The following CNTN4 variants were observed in gnomAD, a reference collection of about 807,000 sequenced individuals.
CNTN4 encodes the protein contactin 4.
Under a neutral mutation model 122.5 loss-of-function variants are expected in CNTN4, and 77 were observed. That is an observed-to-expected ratio of 0.63 (90% CI 0.52 to 0.76). The LOEUF is 0.76. CNTN4 is among the 30% of genes least tolerant of loss of function. The probability of loss-of-function intolerance (pLI) is 0.00; values close to 1 mark genes in which losing one functional copy is unlikely to be tolerated. For missense variants in CNTN4, 1,256 were observed against 1,259.1 expected (o/e 1.00, Z 0.04); for synonymous variants, 512 against 447.0 (o/e 1.15, Z -1.83).
At chr3:2,945,988 G>A (rs1335970635) in intron 13 of CNTN4, among the ~76,000 whole-genome samples, 2 of 152,198 alleles carry the variant, frequency 1.3e-5, no homozygotes, top group Non-Finnish European at 2.9e-5. Flanking sequence ...GGTAAGAGTA[G>A]GGTCCAGAGA....
chr3:2,176,855 G>T (rs531885122), intron 2 of CNTN4, among the ~76,000 whole-genome samples: 3 of 152,246 alleles, frequency 2.0e-5, no homozygotes, highest in East Asian at 3.9e-4. Context: ...TCAATATCAA[G>T]AAATTGGAAC....
intron 3 of CNTN4, among the ~76,000 whole-genome samples, chr3:2,523,468 A>C (rs1355446302): frequency 6.6e-6 from 1 of 151,994 alleles, no homozygotes; most frequent in Non-Finnish European, 1.5e-5. Flanking sequence ...AGGTACATTC[A>C]ATGCTGTAAC....
In CNTN4 at chr3:2,820,961, C is replaced by CTTTTTTTTTTTTTTTTTTT. The variant is rs67731967; in HGVS notation, c.454+1398_454+1399insTTTTTTTTTTTTTTTTTTT. ...TTCTCACATGCAACATTTTCTCTTT[C>CTTTTTTTTTTTTTTTTTTT]TTTTTTTTTTTTTTTTTTGAGACAG... On this transcript the variant is annotated intron_variant, in intron 7 of 24. Transcript: ENST00000418658. Among the ~76,000 whole-genome samples the CTTTTTTTTTTTTTTTTTTT allele has an allele frequency of 7.3e-4, 79 of 107,554 alleles. 3 individuals are homozygous for CTTTTTTTTTTTTTTTTTTT. Among genetic ancestry groups the CTTTTTTTTTTTTTTTTTTT allele is most frequent in the African/African-American group, 2.5e-3 (67 of 26,476 alleles). The allele number at this position is 107,554 out of a possible 152,430, so 70.6% of individuals were successfully genotyped here. A position where few individuals can be genotyped will look rare whatever the true frequency, so the allele number is the denominator to read the frequency against.
At chr3:2,247,924 T>C (rs1271325579) in intron 2 of CNTN4, among the ~76,000 whole-genome samples, 2 of 151,984 alleles carry the variant, frequency 1.3e-5, no homozygotes, top group Non-Finnish European at 2.9e-5. Context: ...CCTTGAATTG[T>C]TTTTCCCCTC....
Position 2,717,231 on chromosome 3 carries a change from A to G in CNTN4, c.56-18984A>G, listed in dbSNP as rs1419585576. On this transcript the variant is annotated intron_variant, in intron 4 of 24. Coordinates refer to ENST00000418658, the MANE Select transcript of CNTN4 (RefSeq NM_175607.3). ...AAACCTGGATTTCAGTAGGGTGCCCACTACCCTAACTGGTAAGAGTGGCTC... is the reference window on the plus strand; with the variant it reads ...AAACCTGGATTTCAGTAGGGTGCCCGCTACCCTAACTGGTAAGAGTGGCTC... 2.0e-5 allele frequency among the ~76,000 whole-genome samples: 3 copies of G among 152,232 alleles called. No individual in the cohort carries two copies. In the East Asian group the frequency reaches 5.8e-4, roughly 29 times the overall value.
chr3:2,206,061 TA>T, intron 2 of CNTN4, among the ~76,000 whole-genome samples: 1 of 152,264 alleles, frequency 6.6e-6, no homozygotes, highest in Admixed American at 6.6e-5. Flanking sequence ...GTTTCACCTT[TA>T]TTTGTTTTAT....
intron 2 of CNTN4, among the ~76,000 whole-genome samples, chr3:2,239,919 C>A (rs1488579720): frequency 6.6e-6 from 1 of 152,190 alleles, no homozygotes; most frequent in Non-Finnish European, 1.5e-5. Flanking sequence ...TAAAATCATT[C>A]ATTTAGAAAG....
intron 2 of CNTN4, among the ~76,000 whole-genome samples, chr3:2,334,602 T>C (rs1282700927): frequency 1.3e-5 from 2 of 152,166 alleles, no homozygotes; most frequent in Admixed American, 1.3e-4. Flanking sequence ...AATATGACTT[T>C]AGAACCTATA....
chr3:2,412,165 T>C (rs1360888799), intron 3 of CNTN4, among the ~76,000 whole-genome samples: 1 of 152,242 alleles, frequency 6.6e-6, no homozygotes, highest in African/African-American at 2.4e-5. Context: ...GTTCTTTTCA[T>C]TGCTGTATAT....
intron 12 of CNTN4, among the ~76,000 whole-genome samples, chr3:2,905,987 G>A (rs1367576916): frequency 1.3e-5 from 2 of 152,230 alleles, no homozygotes; most frequent in Non-Finnish European, 2.9e-5. Flanking sequence ...TGTGAACACA[G>A]TAGAATACTA....
intron 4 of CNTN4, among the ~76,000 whole-genome samples, chr3:2,585,829 A>G (rs747639113): frequency 6.6e-6 from 1 of 151,550 alleles, no homozygotes; most frequent in East Asian, 1.9e-4. Flanking sequence ...CCTAAAACTT[A>G]AAGTATAATA....
At chr3:3,043,462 C>T (rs1290984341) in intron 22 of CNTN4, 130 bp from the exon 23 acceptor site, 1 of 765,976 alleles carries the variant, frequency 1.3e-6, no homozygotes, top group South Asian at 1.5e-5. Flanking sequence ...ATTTTAGTGA[C>T]CTTGAAGACA....
intron 13 of CNTN4, among the ~76,000 whole-genome samples, chr3:2,937,374 A>G (rs1310372059): frequency 6.6e-6 from 1 of 152,174 alleles, no homozygotes; most frequent in East Asian, 1.9e-4. Context: ...TTAAATGTGA[A>G]GACACAGAGG....
intron 2 of CNTN4, among the ~76,000 whole-genome samples, chr3:2,107,470 A>G (rs1028289033): frequency 5.3e-5 from 8 of 152,148 alleles, no homozygotes; most frequent in Non-Finnish European, 1.2e-4. Context: ...ATCCCCTTAT[A>G]AAACGATCAG....
At chr3:2,184,156 T>G (rs1000202894) in intron 2 of CNTN4, among the ~76,000 whole-genome samples, 3 of 151,992 alleles carry the variant, frequency 2.0e-5, no homozygotes, top group Non-Finnish European at 4.4e-5. Context: ...GTTATTTTTA[T>G]TATTATTTTG....
Position 2,574,895 on chromosome 3 carries a change from G to A in CNTN4, c.55+3337G>A, listed in dbSNP as rs1037378573. ...TCTCTAGGATTTCCATAATGTTAAT[G>A]AATAAAATTTAAATTGGTTTTAAAA... On this transcript the variant is annotated intron_variant, in intron 4 of 24. Transcript: ENST00000418658. Among the ~76,000 whole-genome samples, 11 of 151,648 alleles carry A rather than the reference G, an allele frequency of 7.3e-5. 1 individual carries two copies. Among genetic ancestry groups the A allele is most frequent in the South Asian group, 4.2e-4 (2 of 4,804 alleles).
chr3:2,971,063 A>C (rs536557100), intron 13 of CNTN4, among the ~76,000 whole-genome samples: 2 of 152,374 alleles, frequency 1.3e-5, no homozygotes, highest in East Asian at 3.9e-4. Flanking sequence ...CTGGGATTAC[A>C]GGCCTGAGCC....
rs181172546 is a variant in CNTN4 at position 2,559,909 on chromosome 3, G to A, written c.-88-11507G>A. Among the ~76,000 whole-genome samples the A allele has an allele frequency of 1.6e-4, 24 of 152,270 alleles. No homozygotes were observed. In the East Asian group the frequency reaches 4.3e-3, roughly 27 times the overall value. ...TGATAGCAGGACTGAACTTTACCGT[G>A]ATACCCAGTGCTTGCTGGTACAGTG... On this transcript the variant is annotated intron_variant, in intron 3 of 24. Coordinates refer to ENST00000418658, the MANE Select transcript of CNTN4 (RefSeq NM_175607.3).
At chr3:2,659,868 T>A (rs1173229844) in intron 4 of CNTN4, among the ~76,000 whole-genome samples, 2 of 152,244 alleles carry the variant, frequency 1.3e-5, no homozygotes, top group Non-Finnish European at 2.9e-5. Flanking sequence ...CAATAACATG[T>A]AAATTTCTTA....
Sources: allele counts gnomAD v4.1 joint callset (sites outside exome capture counted in the v4.1 genomes callset), GRCh38; gene constraint gnomAD v4.1.1; transcripts MANE v1.5; gene names NCBI Gene and HGNC (gene_info 2026-07-23, HGNC 2026-07-21).